Variants in SEC11A observed in about 807,000 individuals in gnomAD.
SEC11A encodes the protein SEC11 homolog A, signal peptidase complex subunit, also known as signal peptidase complex catalytic subunit SEC11A.
In SEC11A, 14 loss-of-function variants were observed where a neutral mutation model predicts 25.6. The observed-to-expected ratio is 0.55, with a 90% CI of 0.36 to 0.85. The LOEUF is 0.85. Among genes scored for constraint, SEC11A ranks in the 40% least tolerant of loss-of-function variants. The pLI, the probability that SEC11A is intolerant of heterozygous loss-of-function variation, is 0.01. For synonymous variants in SEC11A, 83 were observed against 76.4 expected (o/e 1.09, Z -0.45); for missense variants, 153 against 222.9 (o/e 0.69, Z 2.00).
chr15:84,679,859 T>C (rs1897238926), intron 4 of SEC11A: 2 of 1,076,058 alleles, frequency 1.9e-6, no homozygotes, highest in Non-Finnish European at 2.7e-6. Context: ...CTAATAAACG[T>C]GAGTTATTGT....
intron 1 of SEC11A, among the ~76,000 whole-genome samples, chr15:84,712,933 G>A (rs1212247813): frequency 6.6e-6 from 1 of 152,092 alleles, no homozygotes; most frequent in Non-Finnish European, 1.5e-5. Context: ...CCGGCCGGGA[G>A]CAGTGGCTCA....
chr15:84,670,362 C>T lies in SEC11A; in HGVS notation c.490-293G>A, dbSNP rs531260344. On this transcript the variant is annotated intron_variant, in intron 5 of 5. Transcript: ENST00000268220. ...AGCAATTCTCGTGCCTCAGCCTCCC[C>T]AGTAGCTGGGATTACAGGTGTGTAC... The T allele has an allele frequency of 4.4e-5, 13 of 295,696 alleles. No homozygotes were observed. In the East Asian group the frequency reaches 1.0e-3, roughly 23 times the overall value. 18.3% of individuals were successfully genotyped at this position (295,696 alleles called of 1,614,324 possible).
intron 4 of SEC11A, chr15:84,673,559 C>A (rs1897057214): frequency 6.5e-6 from 1 of 153,706 alleles, no homozygotes; most frequent in South Asian, 2.0e-4. Context: ...ATTCCATACA[C>A]TGGTGTTTCT....
intron 1 of SEC11A, among the ~76,000 whole-genome samples, chr15:84,694,806 A>C (rs1431809366): frequency 6.6e-6 from 1 of 151,924 alleles, no homozygotes; most frequent in Non-Finnish European, 1.5e-5. Flanking sequence ...AAAATACAAA[A>C]AAAGGCCGAG....
intron 3 of SEC11A, chr15:84,686,661 C>T (rs1012203617): frequency 2.0e-5 from 3 of 152,202 alleles, no homozygotes; most frequent in Admixed American, 6.6e-5. Flanking sequence ...CACTTCTCGT[C>T]TGTGTGTCAT....
chr15:84,696,464 T>C (rs1467215530), intron 1 of SEC11A, among the ~76,000 whole-genome samples: 1 of 152,140 alleles, frequency 6.6e-6, no homozygotes, highest in Non-Finnish European at 1.5e-5. Context: ...GCACTAAAAA[T>C]ATCACCTACA....
intron 1 of SEC11A, among the ~76,000 whole-genome samples, chr15:84,693,813 T>C (rs776951616): frequency 5.3e-5 from 8 of 152,166 alleles, no homozygotes; most frequent in Non-Finnish European, 1.0e-4. Context: ...TGGAATACTA[T>C]CCTTATCACA....
chr15:84,677,709 G>A (rs1897176104), intron 4 of SEC11A, among the ~76,000 whole-genome samples: 1 of 152,032 alleles, frequency 6.6e-6, no homozygotes, highest in African/African-American at 2.4e-5. Flanking sequence ...TCCTGACCTT[G>A]TGATCCGCCC....
intron 1 of SEC11A, among the ~76,000 whole-genome samples, chr15:84,699,234 G>C (rs780925874): frequency 4.6e-4 from 68 of 146,874 alleles, no homozygotes; most frequent in Non-Finnish European, 1.5e-4. Context: ...AGGATGACTT[G>C]AACCTGGGAG....
chr15:84,709,159 T>C (rs115780565), intron 1 of SEC11A, among the ~76,000 whole-genome samples: 2,410 of 152,170 alleles, frequency 0.016, 31 homozygotes, highest in African/African-American at 0.035. Flanking sequence ...TAAAAATAAT[T>C]TGGCATAACA....
At chr15:84,687,570 C>G in intron 3 of SEC11A, 55 bp downstream of exon 3, 4 of 1,441,238 alleles carry the variant, frequency 2.8e-6, no homozygotes, top group Non-Finnish European at 2.8e-6. Flanking sequence ...AACTAAATAC[C>G]ACAAACACTT....
At chr15:84,701,163 A>AG (rs1249164290) in intron 1 of SEC11A, among the ~76,000 whole-genome samples, 1 of 136,862 alleles carries the variant, frequency 7.3e-6, no homozygotes, top group Middle Eastern at 4.2e-3. Context: ...AAAAGCAAAT[A>AG]GGAAAAAAAA....
intron 1 of SEC11A, among the ~76,000 whole-genome samples, chr15:84,694,145 AG>A (rs1897690716): frequency 6.6e-6 from 1 of 152,134 alleles, no homozygotes; most frequent in Admixed American, 6.6e-5. Context: ...ACTTGAGGCC[AG>A]AAGTAGGAGA....
Position 84,682,562 on chromosome 15 carries a change from C to T in SEC11A, c.312-1730G>A, listed in dbSNP as rs151061657. On this transcript the variant is annotated intron_variant, in intron 3 of 5. Transcript: ENST00000268220. ...TTCCTGGGTTCAAGCGATTCTCCTG[C>T]CTCAGCCTCCCAAGTAGCTAGGATT... Among the ~76,000 whole-genome samples, 62 of 152,158 alleles carry T rather than the reference C, an allele frequency of 4.1e-4. No individual in the cohort carries two copies. In the East Asian group the frequency reaches 0.01, roughly 26 times the overall value.
intron 2 of SEC11A, among the ~76,000 whole-genome samples, chr15:84,689,609 CTT>C (rs11316103): frequency 0.016 from 1,973 of 122,546 alleles, 18 homozygotes; most frequent in African/African-American, 0.028. Context: ...TCTTTTCTTT[CTT>C]TTTTTTTTTT....
intron 1 of SEC11A, among the ~76,000 whole-genome samples, chr15:84,703,726 G>A (rs1356126429): frequency 2.0e-5 from 3 of 152,182 alleles, no homozygotes; most frequent in Non-Finnish European, 4.4e-5. Context: ...TGGCTGGATG[G>A]ACAGCGACTT....
chr15:84,692,660 C>T (rs1410538023), intron 1 of SEC11A, among the ~76,000 whole-genome samples: 2 of 152,156 alleles, frequency 1.3e-5, no homozygotes, highest in Non-Finnish European at 2.9e-5. Context: ...TGTGAGCTAA[C>T]TGTTTTGGGC....
At chr15:84,696,790 A>G (rs1368111777) in intron 1 of SEC11A, among the ~76,000 whole-genome samples, 9 of 152,204 alleles carry the variant, frequency 5.9e-5, no homozygotes, top group Admixed American at 5.9e-4. Context: ...GTTCACGTCT[A>G]TTTTGTTGGG....
intron 3 of SEC11A, among the ~76,000 whole-genome samples, chr15:84,684,648 G>A (rs1897367583): frequency 6.6e-6 from 1 of 152,086 alleles, no homozygotes; most frequent in Non-Finnish European, 1.5e-5. Flanking sequence ...TAAACCAAAT[G>A]GGGCTGGGTG....
Sources: gnomAD v4.1 joint callset for allele counts (sites outside exome capture counted in the v4.1 genomes callset) on GRCh38, gnomAD v4.1.1 for gene constraint, MANE v1.5 for transcripts, NCBI Gene and HGNC (gene_info 2026-07-23, HGNC 2026-07-21) for gene names.